Variants in LRP2BP observed in about 807,000 individuals in gnomAD.
The protein encoded by LRP2BP is LRP2 binding protein, also known as LRP2-binding protein.
A neutral mutation model predicts 45.2 loss-of-function variants in LRP2BP; 38 were observed. The ratio of observed to expected loss-of-function variants is 0.84; its 90% confidence interval spans 0.65 to 1.10. LRP2BP has a LOEUF of 1.10. Among genes scored for constraint, LRP2BP ranks in the 50% least tolerant of loss-of-function variants. The probability of loss-of-function intolerance (pLI) is 0.00; values close to 1 mark genes in which losing one functional copy is unlikely to be tolerated. For synonymous variants in LRP2BP, 153 were observed against 153.9 expected, an observed-to-expected ratio of 0.99 and a Z score of 0.04; for missense variants, 385 against 418.9, an observed-to-expected ratio of 0.92 and a Z score of 0.71.
Position 185,388,146 on chromosome 4 carries a change from G to GT in LRP2BP, c.-22+6632dup, listed in dbSNP as rs529058495. Among the ~76,000 whole-genome samples, 95 of 152,308 alleles carry GT rather than the reference G, an allele frequency of 6.2e-4. 1 individual carries two copies. The highest frequency in any genetic ancestry group is 2.1e-3 in the African/African-American group (88 of 41,560). Reference sequence around the variant, plus strand: ...AGATGATGGAGGAGTTCCACGGCGTGTAAGGCAGAGATTCGGACTCAGAAA... The same window carrying GT: ...AGATGATGGAGGAGTTCCACGGCGTGTTAAGGCAGAGATTCGGACTCAGAAA... On this transcript the variant is annotated intron_variant, in intron 1 of 8. Coordinates refer to ENST00000505916, the MANE Select transcript of LRP2BP (RefSeq NM_001377440.1).
At position 185,395,631 on chromosome 4, in the gene LRP2BP, GA is replaced by G. The variant is rs758133838; in HGVS notation, c.-875del. On this transcript the variant is annotated 5_prime_UTR_variant, in exon 1 of 9. It introduces an in-frame stop codon into an upstream open reading frame of the 5' UTR. Transcript: ENST00000505916. The stretch of plus-strand genomic sequence containing the variant: ...CACATTTATATTCAAATATTCATAT[GA>G]ATAAAAATGCTTAAAACTACCCCTT... 3.1e-6 allele frequency: 3 copies of G among 982,878 alleles called. No homozygotes were observed. The highest frequency in any genetic ancestry group is 3.6e-6 in the Non-Finnish European group (3 of 827,600). 60.9% of individuals were successfully genotyped at this position (982,878 alleles called of 1,614,324 possible). A position where few individuals can be genotyped will look rare whatever the true frequency, so the allele number is the denominator to read the frequency against.
intron 8 of LRP2BP, among the ~76,000 whole-genome samples, chr4:185,368,385 A>G (rs1013941063): frequency 6.6e-6 from 1 of 151,898 alleles, no homozygotes; most frequent in East Asian, 1.9e-4. Flanking sequence ...TTACTGCCTC[A>G]CCTTCTGCCA....
At chr4:185,385,962 T>C (rs1397431970) in intron 1 of LRP2BP, among the ~76,000 whole-genome samples, 1 of 151,910 alleles carries the variant, frequency 6.6e-6, no homozygotes, top group African/African-American at 2.4e-5. Context: ...TCAAGGTGTC[T>C]GCAGCCTTAT....
At chr4:185,392,242 T>C (rs1454041819) in intron 1 of LRP2BP, among the ~76,000 whole-genome samples, 2 of 152,216 alleles carry the variant, frequency 1.3e-5, no homozygotes, top group Non-Finnish European at 2.9e-5. Context: ...CAAGTTCTTA[T>C]CACAACAGTG....
chr4:185,385,905 A>AGGCGG (rs369541635), intron 1 of LRP2BP, among the ~76,000 whole-genome samples: 405 of 34,828 alleles, frequency 0.012, 11 homozygotes, highest in South Asian at 0.019. Context: ...TGTCTCGGGG[A>AGGCGG]GGGGGGGGGG....
intron 1 of LRP2BP, among the ~76,000 whole-genome samples, chr4:185,391,089 CTTGT>C (rs1443267172): frequency 6.6e-6 from 1 of 152,192 alleles, no homozygotes; most frequent in Non-Finnish European, 1.5e-5. Context: ...TCAAACTTCC[CTTGT>C]TTTTCATAAC....
rs151178770 is a variant in LRP2BP, at chr4:185,383,803, C to T, written c.-21-5596G>A. On this transcript the variant is annotated intron_variant, in intron 1 of 8. Transcript: ENST00000505916. ...CTTGCCCCCAACAAAAACATCCCTC[C>T]GGGCTTCCTTTGGGACAAACACTGT... is the stretch of plus-strand genomic sequence containing the variant. Among the ~76,000 whole-genome samples the T allele has an allele frequency of 6.8e-4, 104 of 152,318 alleles. 2 individuals carry two copies. Among genetic ancestry groups the T allele is most frequent in the African/African-American group, 2.3e-3 (97 of 41,566 alleles).
At position 185,365,856 on chromosome 4, in the gene LRP2BP, C is replaced by T. The variant is rs865820253; in HGVS notation, c.*1324G>A. ...TGACCATTTGAGGATATCTCAAACC[C>T]GAGTCTGTTGAAATTTCTTCCCTTA... On this transcript the variant is annotated 3_prime_UTR_variant, in exon 9 of 9. Transcript: ENST00000505916. 1.3e-5 allele frequency: 2 copies of T among 151,990 alleles called. No homozygotes were observed. Among genetic ancestry groups the T allele is most frequent in the Admixed American group, 6.6e-5 (1 of 15,244 alleles). 9.4% of individuals were successfully genotyped at this position (151,990 alleles called of 1,614,324 possible).
rs2095484384 is a variant in LRP2BP at position 185,390,196 on chromosome 4, T to C, written c.-22+4583A>G. On this transcript the variant is annotated intron_variant, in intron 1 of 8. Coordinates refer to ENST00000505916, the MANE Select transcript of LRP2BP (RefSeq NM_001377440.1). ...TTAAAAACAAGCTCTCATGTCTCAC[T>C]CATATCTCATCAGTTACATAATATT... Among the ~76,000 whole-genome samples, 3 of 152,172 alleles carry C rather than the reference T, an allele frequency of 2.0e-5. No individual in the cohort carries two copies. In the South Asian group the frequency reaches 6.2e-4, roughly 32 times the overall value.
chr4:185,380,736 T>C (rs1267892747), intron 1 of LRP2BP, among the ~76,000 whole-genome samples: 1 of 152,186 alleles, frequency 6.6e-6, no homozygotes, highest in Non-Finnish European at 1.5e-5. Flanking sequence ...CAACCCACCA[T>C]GCTCTTCAGA....
At chr4:185,384,780 C>G (rs979008339) in intron 1 of LRP2BP, among the ~76,000 whole-genome samples, 12 of 150,914 alleles carry the variant, frequency 8.0e-5, no homozygotes, top group African/African-American at 2.9e-4. Flanking sequence ...TTGGAAACAC[C>G]ATCTACACAT....
At chr4:185,387,929 C>CT (rs1554020527) in intron 1 of LRP2BP, among the ~76,000 whole-genome samples, 2 of 152,202 alleles carry the variant, frequency 1.3e-5, no homozygotes, top group Admixed American at 1.3e-4. Flanking sequence ...TCCTCCCTCT[C>CT]TAACTCCTTT....
chr4:185,396,887 A>G (rs1050902374), upstream of LRP2BP: 1 of 1,611,688 alleles, frequency 6.2e-7, no homozygotes, highest in Non-Finnish European at 8.5e-7. Context: ...ACCTCTCTGC[A>G]CTTCCAAGGA....
rs1477149431 is a variant in LRP2BP, at chr4:185,368,966, G to A, written c.978+1674C>T. On this transcript the variant is annotated intron_variant, in intron 8 of 8. Transcript: ENST00000505916. ...GCGTTACCATGATGGGCTAATTTTT[G>A]TATTTCTAGTAGAGATGGGATTTTG... 2.0e-5 allele frequency among the ~76,000 whole-genome samples: 3 copies of A among 151,380 alleles called. No homozygotes were observed. The East Asian group carries it at 5.9e-4, about 30-fold the overall frequency.
At position 185,364,938 on chromosome 4, in the gene LRP2BP, A is replaced by G. The variant is rs1023565180; in HGVS notation, c.*2242T>C. 6.6e-6 allele frequency: 1 copy of G among 152,174 alleles called. No individual in the cohort carries two copies. Among genetic ancestry groups the G allele is most frequent in the Admixed American group, 6.6e-5 (1 of 15,258 alleles). The allele number at this position is 152,174 out of a possible 1,614,324, so 9.4% of individuals were successfully genotyped here. On this transcript the variant is annotated 3_prime_UTR_variant, in exon 9 of 9. Coordinates refer to ENST00000505916, the MANE Select transcript of LRP2BP (RefSeq NM_001377440.1). ...GAAAGATCACTATTATTTTGTCTCTATATTTATTTATGATAAAATGTCATT... is the reference window on the plus strand; with the variant it reads ...GAAAGATCACTATTATTTTGTCTCTGTATTTATTTATGATAAAATGTCATT...
chr4:185,383,024 A>C (rs988061716), intron 1 of LRP2BP, among the ~76,000 whole-genome samples: 1 of 152,196 alleles, frequency 6.6e-6, no homozygotes, highest in Non-Finnish European at 1.5e-5. Context: ...GTTCTTTTGC[A>C]TGTGGATATC....
upstream of LRP2BP, chr4:185,396,237 CGGGTT>C (rs1460480438): frequency 1.3e-5 from 2 of 152,282 alleles, no homozygotes; most frequent in African/African-American, 4.8e-5. Flanking sequence ...CTTCACCTCC[CGGGTT>C]GGGAGGCGGG....
In LRP2BP at chr4:185,373,088, A is replaced by G; in HGVS notation, c.580-9T>C. The stretch of plus-strand genomic sequence containing the variant: ...GAATGCCAGTAAAATGCCTAAGAAA[A>G]GCACAGTTTCATCATTGTATTTGTG... On this transcript the variant is annotated splice_polypyrimidine_tract_variant and intron_variant, in intron 6 of 8. Coordinates refer to ENST00000505916, the MANE Select transcript of LRP2BP (RefSeq NM_001377440.1). The G allele has an allele frequency of 6.3e-7, 1 of 1,599,666 alleles. No individual in the cohort carries two copies. The highest frequency in any genetic ancestry group is 8.6e-7 in the Non-Finnish European group (1 of 1,167,498).
intron 1 of LRP2BP, among the ~76,000 whole-genome samples, chr4:185,388,596 T>C (rs544609381): frequency 6.6e-6 from 1 of 152,338 alleles, no homozygotes; most frequent in East Asian, 1.9e-4. Flanking sequence ...TTTCTTCTTC[T>C]ACCTGACAGT....
Sources: allele counts gnomAD v4.1 joint callset (sites outside exome capture counted in the v4.1 genomes callset), GRCh38; gene constraint gnomAD v4.1.1; transcripts MANE v1.5; gene names NCBI Gene and HGNC (gene_info 2026-07-23, HGNC 2026-07-21).